Variants in EIF4EBP1 observed in about 807,000 individuals in gnomAD.
EIF4EBP1 encodes eukaryotic translation initiation factor 4E binding protein 1, also known as eukaryotic translation initiation factor 4E-binding protein 1.
EIF4EBP1 carries 5 observed loss-of-function variants against 9.2 expected under a neutral mutation model. The observed-to-expected ratio is 0.54, with a 90% CI of 0.28 to 1.14. The LOEUF is 1.14. Ranked by LOEUF, EIF4EBP1 falls within the 50% of genes most tolerant of loss-of-function variation. EIF4EBP1 has a pLI of 0.09. For missense variants in EIF4EBP1, 139 were observed against 169.6 expected (o/e 0.82, Z 1.00); for synonymous variants, 62 against 67.0 (o/e 0.93, Z 0.36).
In EIF4EBP1 at chr8:38,043,069, A is replaced by G. The variant is rs577979977; in HGVS notation, c.145+12351A>G. On this transcript the variant is annotated intron_variant, in intron 1 of 2. Transcript: ENST00000338825. ...GTGACAGAGTGAGACCCCATCTCAC[A>G]CACACGAAAAAAAGTTTTTGGGAGA... Among the ~76,000 whole-genome samples the G allele has an allele frequency of 5.3e-5, 8 of 152,330 alleles. No individual in the cohort carries two copies. The East Asian group carries it at 1.4e-3, about 26-fold the overall frequency.
At chr8:38,039,004 T>C (rs1254768286) in intron 1 of EIF4EBP1, among the ~76,000 whole-genome samples, 1 of 151,776 alleles carries the variant, frequency 6.6e-6, no homozygotes, top group Non-Finnish European at 1.5e-5. Flanking sequence ...GTGATTCTCC[T>C]GCCTCAGCCT....
intron 1 of EIF4EBP1, among the ~76,000 whole-genome samples, chr8:38,050,223 T>C: frequency 6.6e-6 from 1 of 152,210 alleles, no homozygotes; most frequent in East Asian, 1.9e-4. Context: ...CTTTTGTTTT[T>C]CTTTAAGATT....
At chr8:38,038,812 C>T (rs1233119146) in intron 1 of EIF4EBP1, among the ~76,000 whole-genome samples, 1 of 152,110 alleles carries the variant, frequency 6.6e-6, no homozygotes, top group African/African-American at 2.4e-5. Flanking sequence ...CAGTCACAAG[C>T]TTGTCCAACC....
At chr8:38,042,589 C>G (rs2130386300) in intron 1 of EIF4EBP1, among the ~76,000 whole-genome samples, 1 of 152,322 alleles carries the variant, frequency 6.6e-6, no homozygotes, top group East Asian at 1.9e-4. Context: ...GCCACCTTCT[C>G]CCTGTATCTG....
chr8:38,035,933 T>C (rs1312342033), intron 1 of EIF4EBP1, among the ~76,000 whole-genome samples: 1 of 150,992 alleles, frequency 6.6e-6, no homozygotes, highest in Non-Finnish European at 1.5e-5. Flanking sequence ...GGTCTCGAAC[T>C]CCTGACCTCG....
chr8:38,041,091 C>T (rs1369201297), intron 1 of EIF4EBP1, among the ~76,000 whole-genome samples: 6 of 152,130 alleles, frequency 3.9e-5, no homozygotes, highest in Admixed American at 2.0e-4. Context: ...TGAGCCATCG[C>T]GCCTGGCCTT....
intron 1 of EIF4EBP1, among the ~76,000 whole-genome samples, chr8:38,049,125 C>CAA (rs916485531): frequency 2.5e-5 from 2 of 79,410 alleles, no homozygotes; most frequent in South Asian, 3.8e-4. Flanking sequence ...AACTCCGTCT[C>CAA]AAAAAAAAAA....
chr8:38,046,593 C>A (rs1006665773), intron 1 of EIF4EBP1, among the ~76,000 whole-genome samples: 1 of 152,172 alleles, frequency 6.6e-6, no homozygotes, highest in East Asian at 1.9e-4. Flanking sequence ...CTGGACCCTG[C>A]AGGTCATGAT....
chr8:38,030,626 C>T lies in EIF4EBP1; in HGVS notation c.53C>T (p.Thr18Ile), dbSNP rs762960084. ...SQTPSRAIPA[T>I]RRVVLGDGVQ... ...ACCCCAAGCCGGGCCATCCCCGCCA[C>T]TCGCCGGGTGGTGCTCGGCGACGGC... Residue 18 changes from threonine to isoleucine, a missense_variant, in exon 1 of 3, where the codon ACT (threonine) becomes ATT (isoleucine). By Grantham distance (89) the Thr-to-Ile change is moderately conservative. Coordinates refer to ENST00000338825, the MANE Select transcript of EIF4EBP1 (RefSeq NM_004095.4). 1.3e-6 allele frequency: 2 copies of T among 1,515,690 alleles called. No individual in the cohort carries two copies. Among genetic ancestry groups the T allele is most frequent in the South Asian group, 1.2e-5 (1 of 82,202 alleles). The allele number at this position is 1,515,690 out of a possible 1,614,324, so 93.9% of individuals were successfully genotyped here. A position where few individuals can be genotyped will look rare whatever the true frequency, so the allele number is the denominator to read the frequency against.
At chr8:38,059,316 C>G (rs1182705640) in intron 2 of EIF4EBP1, among the ~76,000 whole-genome samples, 1 of 152,180 alleles carries the variant, frequency 6.6e-6, no homozygotes, top group Non-Finnish European at 1.5e-5. Flanking sequence ...TCCACCCTCT[C>G]TCTTGCTCCT....
intron 1 of EIF4EBP1, among the ~76,000 whole-genome samples, chr8:38,037,686 T>G (rs1461121565): frequency 4.6e-5 from 7 of 152,180 alleles, no homozygotes; most frequent in Non-Finnish European, 1.0e-4. Flanking sequence ...TTTCCTTTTC[T>G]GTCCTTTCAG....
chr8:38,039,886 T>C (rs1471364153), intron 1 of EIF4EBP1, among the ~76,000 whole-genome samples: 1 of 152,076 alleles, frequency 6.6e-6, no homozygotes, highest in Non-Finnish European at 1.5e-5. Flanking sequence ...CAAAAAACTT[T>C]TAACAGATAG....
chr8:38,055,602 CTATAA>C (rs1442858618), intron 1 of EIF4EBP1, among the ~76,000 whole-genome samples: 2 of 150,688 alleles, frequency 1.3e-5, no homozygotes, highest in African/African-American at 4.9e-5. Flanking sequence ...ATTATAGAAT[CTATAA>C]TATATTATTA....
At chr8:38,030,808 G>C in intron 1 of EIF4EBP1, 90 bp downstream of exon 1, 1 of 1,361,676 alleles carries the variant, frequency 7.3e-7, no homozygotes, top group African/African-American at 1.5e-5. Context: ...CCAGGCTCAA[G>C]GGCGCCGTGA....
At position 38,047,879 on chromosome 8, in the gene EIF4EBP1, T is replaced by C. The variant is rs192994371; in HGVS notation, c.146-9202T>C. Among the ~76,000 whole-genome samples, 369 of 152,258 alleles carry C rather than the reference T, an allele frequency of 2.4e-3. 1 individual carries two copies. Among genetic ancestry groups the C allele is most frequent in the Admixed American group, 4.4e-3 (68 of 15,284 alleles). On this transcript the variant is annotated intron_variant, in intron 1 of 2. Coordinates refer to ENST00000338825, the MANE Select transcript of EIF4EBP1 (RefSeq NM_004095.4). ...CCCAATAAAATTACATTTCAAAGTT[T>C]TAAAAATCCAGCCAGGTGCAGTGGC...
At chr8:38,055,201 G>A (rs1809580304) in intron 1 of EIF4EBP1, among the ~76,000 whole-genome samples, 1 of 152,140 alleles carries the variant, frequency 6.6e-6, no homozygotes, top group Non-Finnish European at 1.5e-5. Flanking sequence ...TCAGCACAGA[G>A]CCCCGTTTCA....
chr8:38,039,507 G>A (rs1809349614), intron 1 of EIF4EBP1, among the ~76,000 whole-genome samples: 1 of 147,458 alleles, frequency 6.8e-6, no homozygotes, highest in Admixed American at 7.1e-5. Flanking sequence ...CCAGGTTCAA[G>A]CCATTCTCCT....
rs900339158 is a variant in EIF4EBP1, at chr8:38,030,805, C to T, written c.145+87C>T. Reference sequence around the variant, plus strand: ...GCGGATTGGACCGGGTGTCCAGGCTCAAGGGCGCCGTGATTGGAAAGAACG... The same window carrying T: ...GCGGATTGGACCGGGTGTCCAGGCTTAAGGGCGCCGTGATTGGAAAGAACG... On this transcript the variant is annotated intron_variant, in intron 1 of 2. Coordinates refer to ENST00000338825, the MANE Select transcript of EIF4EBP1 (RefSeq NM_004095.4). The T allele has an allele frequency of 7.2e-5, 98 of 1,361,086 alleles. No homozygotes were observed. In the African/African-American group the frequency reaches 9.1e-4, roughly 13 times the overall value. The allele number at this position is 1,361,086 out of a possible 1,614,324, so 84.3% of individuals were successfully genotyped here. A position where few individuals can be genotyped will look rare whatever the true frequency, so the allele number is the denominator to read the frequency against.
At chr8:38,032,608 C>T (rs1185695812) in intron 1 of EIF4EBP1, among the ~76,000 whole-genome samples, 1 of 152,160 alleles carries the variant, frequency 6.6e-6, no homozygotes, top group Admixed American at 6.5e-5. Flanking sequence ...AATCCCCTTC[C>T]CTTTGAAGGT....
Sources: gnomAD v4.1 joint callset for allele counts (sites outside exome capture counted in the v4.1 genomes callset) on GRCh38, gnomAD v4.1.1 for gene constraint, MANE v1.5 for transcripts, NCBI Gene and HGNC (gene_info 2026-07-23, HGNC 2026-07-21) for gene names.